The following NRG3 variants were observed in gnomAD, a reference collection of about 807,000 sequenced individuals.
NRG3 encodes neuregulin 3.
Under a neutral mutation model 66.9 loss-of-function variants are expected in NRG3, and 31 were observed. The ratio of observed to expected loss-of-function variants is 0.46; its 90% CI spans 0.35 to 0.63. The LOEUF (loss-of-function observed/expected upper bound fraction) is 0.63. Ranked by LOEUF, NRG3 falls within the 20% of genes least tolerant of loss-of-function variation. The pLI is 0.00. For missense variants in NRG3, 910 were observed against 878.9 expected (o/e 1.04, Z -0.45); for synonymous variants, 393 against 359.4 (o/e 1.09, Z -1.06).
chr10:82,966,943 C>A (rs1851266426), intron 6 of NRG3, among the ~76,000 whole-genome samples: 1 of 151,570 alleles, frequency 6.6e-6, no homozygotes, highest in Non-Finnish European at 1.5e-5. Flanking sequence ...TGTTGTTGAG[C>A]ACTACAAGAC....
intron 2 of NRG3, among the ~76,000 whole-genome samples, chr10:82,602,967 A>G (rs1205906613): frequency 1.3e-5 from 2 of 152,186 alleles, no homozygotes; most frequent in Non-Finnish European, 1.5e-5. Context: ...ATAAGTTAAA[A>G]AGTTGAAAAT....
chr10:82,009,760 G>A (rs967880961), intron 1 of NRG3, among the ~76,000 whole-genome samples: 1 of 152,152 alleles, frequency 6.6e-6, no homozygotes, highest in Non-Finnish European at 1.5e-5. Flanking sequence ...CTGAGTGAGA[G>A]CTGAGACCAA....
chr10:81,910,572 C>T (rs1203475519), intron 1 of NRG3, among the ~76,000 whole-genome samples: 2 of 152,174 alleles, frequency 1.3e-5, no homozygotes, highest in Non-Finnish European at 2.9e-5. Context: ...CCAGTGTTGC[C>T]TGTTTGTCAA....
chr10:82,622,949 G>A (rs1016418488), intron 2 of NRG3, among the ~76,000 whole-genome samples: 1 of 151,730 alleles, frequency 6.6e-6, no homozygotes, highest in Non-Finnish European at 1.5e-5. Context: ...TTTTCAGTGT[G>A]TGCTATTTTC....
chr10:81,878,435 A>T (rs1185321307), intron 1 of NRG3, among the ~76,000 whole-genome samples: 1 of 152,230 alleles, frequency 6.6e-6, no homozygotes, highest in African/African-American at 2.4e-5. Flanking sequence ...ACGTGTTTAA[A>T]TAGGCAAGTT....
intron 2 of NRG3, among the ~76,000 whole-genome samples, chr10:82,406,955 A>G (rs1370322595): frequency 6.6e-6 from 1 of 151,910 alleles, no homozygotes; most frequent in East Asian, 1.9e-4. Flanking sequence ...CATCATTACT[A>G]TTCTTTTTAT....
intron 2 of NRG3, among the ~76,000 whole-genome samples, chr10:82,467,048 A>G (rs766958863): frequency 6.6e-6 from 1 of 152,192 alleles, no homozygotes; most frequent in Non-Finnish European, 1.5e-5. Context: ...GATTCTATCA[A>G]CTTATTTAAA....
At chr10:82,162,607 A>T (rs2071686465) in intron 1 of NRG3, among the ~76,000 whole-genome samples, 1 of 152,150 alleles carries the variant, frequency 6.6e-6, no homozygotes, top group Non-Finnish European at 1.5e-5. Context: ...CACTGAACCC[A>T]AAGAGAATAC....
chr10:82,907,195 C>T (rs1206077649), intron 4 of NRG3, among the ~76,000 whole-genome samples: 1 of 152,114 alleles, frequency 6.6e-6, no homozygotes, highest in South Asian at 2.1e-4. Flanking sequence ...TCTTTGCTGT[C>T]TTCACTGAGT....
chr10:82,088,432 ATAAATGCAGTATCTCCTG>A (rs1431149210), intron 1 of NRG3, among the ~76,000 whole-genome samples: 2 of 152,166 alleles, frequency 1.3e-5, no homozygotes, highest in Non-Finnish European at 2.9e-5. Context: ...AACTATTGAT[ATAAATGCAGTATCTCCTG>A]TTTTTCTAAA....
At chr10:82,623,329 T>C (rs763335349) in intron 2 of NRG3, among the ~76,000 whole-genome samples, 1 of 152,166 alleles carries the variant, frequency 6.6e-6, no homozygotes, top group Non-Finnish European at 1.5e-5. Flanking sequence ...GTCATAAAAG[T>C]GTGCGTTCTG....
intron 1 of NRG3, among the ~76,000 whole-genome samples, chr10:82,255,254 C>G (rs1209907934): frequency 1.3e-5 from 2 of 152,128 alleles, no homozygotes; most frequent in Non-Finnish European, 1.5e-5. Context: ...TTAAAACCAT[C>G]AAGGTCATCA....
chr10:82,968,826 G>A (rs1851455467), intron 6 of NRG3, among the ~76,000 whole-genome samples: 1 of 152,178 alleles, frequency 6.6e-6, no homozygotes, highest in South Asian at 2.1e-4. Context: ...CCCAAGACTG[G>A]ATGATTTATG....
At chr10:82,201,658 C>T (rs1020208987) in intron 1 of NRG3, among the ~76,000 whole-genome samples, 2 of 151,912 alleles carry the variant, frequency 1.3e-5, no homozygotes, top group African/African-American at 4.8e-5. Flanking sequence ...GGTATCTTTG[C>T]ACAAAAGCAG....
At chr10:82,746,554 A>G (rs2058654179) in intron 3 of NRG3, among the ~76,000 whole-genome samples, 1 of 152,198 alleles carries the variant, frequency 6.6e-6, no homozygotes, top group South Asian at 2.1e-4. Flanking sequence ...ATCAAAGATG[A>G]CACTTCCTCT....
At chr10:81,901,336 G>A (rs1291214602) in intron 1 of NRG3, among the ~76,000 whole-genome samples, 2 of 152,222 alleles carry the variant, frequency 1.3e-5, no homozygotes, top group Non-Finnish European at 2.9e-5. Context: ...TGGTCAACAT[G>A]TGTGATTTCT....
At chr10:81,983,053 T>C (rs1378288909) in intron 1 of NRG3, among the ~76,000 whole-genome samples, 1 of 152,188 alleles carries the variant, frequency 6.6e-6, no homozygotes, top group Non-Finnish European at 1.5e-5. Flanking sequence ...CTATGTAGAC[T>C]GTGTCCATGG....
At position 82,387,652 on chromosome 10, in the gene NRG3, T is replaced by C. The variant is rs192082266; in HGVS notation, c.953+28784T>C. ...ACCAAGTCAATTGGAATGTGACAGT[T>C]AATTCTATACATGCATCAGCAATGA... On this transcript the variant is annotated intron_variant, in intron 2 of 8. Coordinates refer to ENST00000372141, the MANE Select transcript of NRG3 (RefSeq NM_001010848.4). Among the ~76,000 whole-genome samples the C allele has an allele frequency of 1.0e-3, 158 of 152,360 alleles. 1 individual carries two copies. Among genetic ancestry groups the C allele is most frequent in the Admixed American group, 9.2e-3 (141 of 15,306 alleles).
intron 1 of NRG3, among the ~76,000 whole-genome samples, chr10:82,004,463 A>G (rs1418431959): frequency 2.0e-5 from 3 of 152,078 alleles, no homozygotes; most frequent in African/African-American, 4.8e-5. Context: ...TTTCTCATTT[A>G]TTTACCATGT....
Sources: allele counts gnomAD v4.1 joint callset (sites outside exome capture counted in the v4.1 genomes callset), GRCh38; gene constraint gnomAD v4.1.1; transcripts MANE v1.5; gene names NCBI Gene and HGNC (gene_info 2026-07-23, HGNC 2026-07-21).